FRY: variants seen among roughly 807,000 people sequenced by gnomAD.
FRY encodes the protein FRY microtubule binding protein.
In FRY, 128 loss-of-function variants were observed where a neutral mutation model predicts 348.4. The observed-to-expected ratio is 0.37, with a 90% CI of 0.32 to 0.43. The LOEUF (loss-of-function observed/expected upper bound fraction) is 0.43, where lower values mean the gene tolerates loss of function less well. Among genes scored for constraint, FRY ranks in the 20% least tolerant of loss-of-function variants. FRY has a pLI of 1.00. For synonymous variants in FRY, 1,370 were observed against 1,374.7 expected, an observed-to-expected ratio of 1.00 and a Z score of 0.08; for missense variants, 2,736 against 3,695.2, an observed-to-expected ratio of 0.74 and a Z score of 6.73.
At chr13:32,047,094 T>C (rs1233090198) in intron 1 of FRY, among the ~76,000 whole-genome samples, 2 of 152,232 alleles carry the variant, frequency 1.3e-5, no homozygotes, top group Non-Finnish European at 2.9e-5. Flanking sequence ...TATATCTCTT[T>C]AAATAAATAT....
At chr13:32,219,532 G>A (rs964583583) in intron 36 of FRY, among the ~76,000 whole-genome samples, 1 of 151,088 alleles carries the variant, frequency 6.6e-6, no homozygotes, top group African/African-American at 2.4e-5. Flanking sequence ...GCCGAGGCGG[G>A]TGGATCACGA....
At chr13:32,053,330 A>G (rs931327048) in intron 1 of FRY, among the ~76,000 whole-genome samples, 14 of 152,310 alleles carry the variant, frequency 9.2e-5, no homozygotes, top group African/African-American at 3.4e-4. Flanking sequence ...CTTACCGACT[A>G]TGCTTAGTAA....
chr13:32,238,111 GT>G (rs1593784838), intron 44 of FRY, 125 bp downstream of exon 44: 2 of 1,033,378 alleles, frequency 1.9e-6, no homozygotes, highest in South Asian at 1.3e-5. Flanking sequence ...CTTGGGAGTA[GT>G]TTATTTTTTC....
rs1038726870 is a variant in FRY at position 32,232,088 on chromosome 13, T to C, written c.5527+788T>C. Among the ~76,000 whole-genome samples the C allele has an allele frequency of 2.0e-5, 3 of 152,364 alleles. No homozygotes were observed. In the East Asian group the frequency reaches 5.8e-4, roughly 29 times the overall value. ...GAAATGGGAGAGTCATTTCTAGGAATAGACTTCCGTTTCTAGTTTTGAGTT... is the reference window on the plus strand; with the variant it reads ...GAAATGGGAGAGTCATTTCTAGGAACAGACTTCCGTTTCTAGTTTTGAGTT... On this transcript the variant is annotated intron_variant, in intron 41 of 60. Transcript: ENST00000542859.
intron 1 of FRY, among the ~76,000 whole-genome samples, chr13:32,058,359 C>T (rs1474904435): frequency 6.6e-6 from 1 of 152,080 alleles, no homozygotes; most frequent in Non-Finnish European, 1.5e-5. Context: ...CATAATTTAA[C>T]CACATCTAAA....
At chr13:32,159,000 C>T (rs183806474) in intron 16 of FRY, among the ~76,000 whole-genome samples, 7 of 136,894 alleles carry the variant, frequency 5.1e-5, no homozygotes, top group Admixed American at 3.7e-4. Context: ...CAACCATATT[C>T]GTAATCAATA....
At chr13:32,274,416 A>G (rs1220262385) in intron 55 of FRY, among the ~76,000 whole-genome samples, 1 of 152,150 alleles carries the variant, frequency 6.6e-6, no homozygotes, top group Non-Finnish European at 1.5e-5. Context: ...ATGTCAAGTA[A>G]AAAAATCAGG....
chr13:32,248,750 A>T (rs1886927350), intron 48 of FRY, among the ~76,000 whole-genome samples: 5 of 151,864 alleles, frequency 3.3e-5, no homozygotes. Context: ...CCATTTTCAC[A>T]TTTTTTTTAA....
chr13:32,155,364 G>A, intron 14 of FRY, 127 bp from the exon 15 acceptor site: 1 of 743,934 alleles, frequency 1.3e-6, no homozygotes, highest in Non-Finnish European at 2.4e-6. Context: ...CACTCTTGTG[G>A]CTTTTAAATT....
chr13:32,046,166 C>T (rs141616375), intron 1 of FRY, among the ~76,000 whole-genome samples: 1 of 152,312 alleles, frequency 6.6e-6, no homozygotes, highest in Non-Finnish European at 1.5e-5. Context: ...TGAAAATGCT[C>T]TTCAGGCTCT....
At chr13:32,253,082 C>T (rs1887165216) in intron 50 of FRY, among the ~76,000 whole-genome samples, 1 of 152,208 alleles carries the variant, frequency 6.6e-6, no homozygotes, top group African/African-American at 2.4e-5. Flanking sequence ...AAGGCCTTTT[C>T]AGCTAAAATA....
chr13:32,205,135 A>G (rs2428250), intron 31 of FRY, among the ~76,000 whole-genome samples: 73,235 of 150,102 alleles, frequency 0.49, 17,771 homozygotes, highest in Non-Finnish European at 0.49. Context: ...CCCAAGAAGC[A>G]GAGGTTGCAG....
At chr13:32,289,262 C>T (rs1271215974) in intron 58 of FRY, among the ~76,000 whole-genome samples, 1 of 152,084 alleles carries the variant, frequency 6.6e-6, no homozygotes, top group Non-Finnish European at 1.5e-5. Flanking sequence ...TTCAAATATA[C>T]TTTTAATAAA....
intron 18 of FRY, among the ~76,000 whole-genome samples, chr13:32,172,993 T>C (rs1489957368): frequency 1.3e-5 from 2 of 152,198 alleles, no homozygotes; most frequent in Non-Finnish European, 2.9e-5. Context: ...TTCGATTCAA[T>C]AGTATCCAAA....
At chr13:32,155,386 C>A in intron 14 of FRY, 105 bp from the exon 15 acceptor site, 2 of 825,294 alleles carry the variant, frequency 2.4e-6, no homozygotes, top group Non-Finnish European at 4.2e-6. Flanking sequence ...TTTTCTCATA[C>A]TCATCTACAT....
chr13:32,064,812 T>C (rs78630112), intron 1 of FRY, among the ~76,000 whole-genome samples: 5,196 of 152,304 alleles, frequency 0.034, 94 homozygotes, highest in African/African-American at 0.039. Flanking sequence ...TATACTAAGG[T>C]CTTAATGAAA....
intron 1 of FRY, among the ~76,000 whole-genome samples, chr13:32,062,537 A>G (rs572230029): frequency 6.6e-6 from 1 of 152,320 alleles, no homozygotes; most frequent in East Asian, 1.9e-4. Flanking sequence ...TAGATTTATT[A>G]CCATCTTAGA....
chr13:32,132,734 C>T (rs570583072), intron 8 of FRY, among the ~76,000 whole-genome samples: 98 of 152,298 alleles, frequency 6.4e-4, no homozygotes, highest in African/African-American at 2.3e-3. Context: ...AAAACTTGAA[C>T]ACAAATGTTC....
Position 32,069,206 on chromosome 13 carries a change from C to T in FRY, c.71-9628C>T, listed in dbSNP as rs185275340. On this transcript the variant is annotated intron_variant, in intron 1 of 60. Transcript: ENST00000542859. ...CTGGGATTACAGGCATGAGCCACCA[C>T]GCCTGGCCCATATGTTCAATTCTTT... 3.3e-3 allele frequency among the ~76,000 whole-genome samples: 510 copies of T among 152,266 alleles called. 3 individuals carry two copies. The highest frequency in any genetic ancestry group is 0.011 in the African/African-American group (477 of 41,532).
Sources: gnomAD v4.1 joint callset for allele counts (sites outside exome capture counted in the v4.1 genomes callset) on GRCh38, gnomAD v4.1.1 for gene constraint, MANE v1.5 for transcripts, NCBI Gene and HGNC (gene_info 2026-07-23, HGNC 2026-07-21) for gene names.